The following KIAA0825 variants were observed in gnomAD, a reference collection of about 807,000 sequenced individuals.
The protein encoded by KIAA0825 is uncharacterized protein KIAA0825.
A neutral mutation model predicts 147.6 loss-of-function variants in KIAA0825; 119 were observed. That is an observed-to-expected ratio of 0.81 (90% confidence interval 0.69 to 0.94). KIAA0825 has a LOEUF of 0.94. Ranked by LOEUF, KIAA0825 falls within the 40% of genes least tolerant of loss-of-function variation. The pLI is 0.00. For synonymous variants in KIAA0825, 470 were observed against 518.1 expected, an observed-to-expected ratio of 0.91 and a Z score of 1.26; for missense variants, 1,381 against 1,472.7, an observed-to-expected ratio of 0.94 and a Z score of 1.02.
chr5:94,506,265 T>C (rs1402720981), intron 5 of KIAA0825, among the ~76,000 whole-genome samples: 4 of 152,218 alleles, frequency 2.6e-5, no homozygotes, highest in Admixed American at 2.6e-4. Context: ...TCAAGCACTG[T>C]TGGAGGTAGT....
At position 94,152,913 on chromosome 5, in the gene KIAA0825, C is replaced by T. The variant is rs1766702821; in HGVS notation, c.*1094G>A. 1.2e-5 allele frequency: 1 copy of T among 86,674 alleles called. No homozygotes were observed. The highest frequency in any genetic ancestry group is 4.3e-5 in the African/African-American group (1 of 23,156). The allele number at this position is 86,674 out of a possible 1,614,324, so 5.4% of individuals were successfully genotyped here. ...ATATATATATATATATGGTTTCTCCCAGACGTTCTTAGACTGCCCAACCAT... is the reference window on the plus strand; with the variant it reads ...ATATATATATATATATGGTTTCTCCTAGACGTTCTTAGACTGCCCAACCAT... On this transcript the variant is annotated 3_prime_UTR_variant, in exon 21 of 21. Coordinates refer to ENST00000682413, the MANE Select transcript of KIAA0825 (RefSeq NM_001145678.3).
intron 2 of KIAA0825, among the ~76,000 whole-genome samples, chr5:94,574,524 A>G (rs1780605077): frequency 1.5e-5 from 2 of 132,238 alleles, no homozygotes; most frequent in African/African-American, 5.8e-5. Flanking sequence ...AGCCAGGGTG[A>G]CAGTGTAAGA....
At chr5:94,210,092 G>A (rs1772565462) in intron 20 of KIAA0825, among the ~76,000 whole-genome samples, 1 of 152,166 alleles carries the variant, frequency 6.6e-6, no homozygotes, top group African/African-American at 2.4e-5. Context: ...ATGATTGGAA[G>A]CTCAAAGGGA....
At chr5:94,449,110 G>T (rs1758081587) in intron 13 of KIAA0825, among the ~76,000 whole-genome samples, 1 of 152,038 alleles carries the variant, frequency 6.6e-6, no homozygotes. Flanking sequence ...TCCAAGAAAG[G>T]AAACTGCATA....
At chr5:94,344,908 G>A (rs1782821181) in intron 20 of KIAA0825, among the ~76,000 whole-genome samples, 1 of 152,184 alleles carries the variant, frequency 6.6e-6, no homozygotes, top group Non-Finnish European at 1.5e-5. Flanking sequence ...TAGGGGCTGG[G>A]AGAAGAGAGG....
At chr5:94,595,648 G>A (rs36095227) in intron 1 of KIAA0825, among the ~76,000 whole-genome samples, 99 of 152,314 alleles carry the variant, frequency 6.5e-4, no homozygotes, top group Middle Eastern at 3.4e-3. Context: ...CTTCTCCTCA[G>A]AAAATGCATT....
intron 16 of KIAA0825, among the ~76,000 whole-genome samples, chr5:94,402,645 C>T (rs766515193): frequency 1.1e-4 from 17 of 151,546 alleles, no homozygotes; most frequent in Middle Eastern, 3.4e-3. Flanking sequence ...TTAGTGAGTG[C>T]GGCTGGAGTA....
chr5:94,167,604 G>A (rs890320811), intron 20 of KIAA0825, among the ~76,000 whole-genome samples: 3 of 151,894 alleles, frequency 2.0e-5, no homozygotes, highest in African/African-American at 7.3e-5. Flanking sequence ...TTAGTTTTGG[G>A]GAAACTCCAG....
chr5:94,553,566 A>T (rs1775960976), intron 2 of KIAA0825, among the ~76,000 whole-genome samples: 1 of 151,572 alleles, frequency 6.6e-6, no homozygotes, highest in Non-Finnish European at 1.5e-5. Context: ...GGAGTTTGAG[A>T]TCAGCCTGGT....
chr5:94,236,713 G>A (rs1328210912), intron 20 of KIAA0825, among the ~76,000 whole-genome samples: 1 of 152,162 alleles, frequency 6.6e-6, no homozygotes, highest in Non-Finnish European at 1.5e-5. Flanking sequence ...AATTGCCACA[G>A]TCACCCCAAC....
At chr5:94,475,058 C>T (rs1269195343) in intron 7 of KIAA0825, among the ~76,000 whole-genome samples, 1 of 150,586 alleles carries the variant, frequency 6.6e-6, no homozygotes, top group Admixed American at 6.6e-5. Context: ...CACTGCACTC[C>T]AGCCTGGGCA....
At chr5:94,184,019 G>A (rs938429066) in intron 20 of KIAA0825, among the ~76,000 whole-genome samples, 1 of 152,094 alleles carries the variant, frequency 6.6e-6, no homozygotes, top group Non-Finnish European at 1.5e-5. Context: ...CAAAATGAGG[G>A]GCAATCTTGT....
At chr5:94,318,928 A>G (rs907470766) in intron 20 of KIAA0825, among the ~76,000 whole-genome samples, 1 of 151,814 alleles carries the variant, frequency 6.6e-6, no homozygotes, top group Non-Finnish European at 1.5e-5. Context: ...TGTCCCCACA[A>G]AGCTTGTCCT....
At chr5:94,171,262 A>G (rs1156785089) in intron 20 of KIAA0825, among the ~76,000 whole-genome samples, 1 of 152,144 alleles carries the variant, frequency 6.6e-6, no homozygotes, top group Non-Finnish European at 1.5e-5. Flanking sequence ...GGTTCCCTGT[A>G]CAAGCTCTTC....
intron 15 of KIAA0825, among the ~76,000 whole-genome samples, chr5:94,409,908 G>C (rs997452044): frequency 2.0e-5 from 3 of 152,118 alleles, no homozygotes; most frequent in African/African-American, 7.2e-5. Context: ...AAAATCTAGA[G>C]ACTCAATAAC....
intron 2 of KIAA0825, among the ~76,000 whole-genome samples, chr5:94,562,268 C>T (rs79114469): frequency 6.6e-6 from 1 of 152,196 alleles, no homozygotes; most frequent in South Asian, 2.1e-4. Flanking sequence ...AAGACAAATT[C>T]ATATGAAATA....
At chr5:94,558,395 C>G (rs1286025012) in intron 2 of KIAA0825, among the ~76,000 whole-genome samples, 1 of 152,204 alleles carries the variant, frequency 6.6e-6, no homozygotes, top group East Asian at 1.9e-4. Flanking sequence ...CTCCCAAAAG[C>G]ATGTGTATGA....
At chr5:94,519,928 C>T (rs1767842303) in intron 5 of KIAA0825, 1 of 762,004 alleles carries the variant, frequency 1.3e-6, no homozygotes, top group Non-Finnish European at 1.6e-6. Context: ...AGCATATATA[C>T]TCATTTATAT....
chr5:94,283,216 C>A (rs1462963738), intron 20 of KIAA0825, among the ~76,000 whole-genome samples: 1 of 152,024 alleles, frequency 6.6e-6, no homozygotes, highest in Non-Finnish European at 1.5e-5. Context: ...ATTTATTGAA[C>A]TTCTTTGTGC....
Sources: allele counts gnomAD v4.1 joint callset (sites outside exome capture counted in the v4.1 genomes callset), GRCh38; gene constraint gnomAD v4.1.1; transcripts MANE v1.5; gene names NCBI Gene and HGNC (gene_info 2026-07-23, HGNC 2026-07-21).